HNMT: variants seen among roughly 807,000 people sequenced by gnomAD.
HNMT encodes histamine N-methyltransferase.
Under a neutral mutation model 32.1 loss-of-function variants are expected in HNMT, and 30 were observed. The observed-to-expected ratio is 0.93, with a 90% CI of 0.70 to 1.27. The LOEUF is 1.27. Ranked by LOEUF, HNMT falls within the 50% of genes most tolerant of loss-of-function variation. HNMT has a pLI of 0.00. For synonymous variants in HNMT, 125 were observed against 119.0 expected, an observed-to-expected ratio of 1.05 and a Z score of -0.33; for missense variants, 327 against 346.0, an observed-to-expected ratio of 0.95 and a Z score of 0.43.
At chr2:137,990,933 C>A (rs758073149) in intron 2 of HNMT, among the ~76,000 whole-genome samples, 4 of 152,114 alleles carry the variant, frequency 2.6e-5, no homozygotes, top group Non-Finnish European at 5.9e-5. Flanking sequence ...GGGCTCAGTC[C>A]CACAAAACTG....
intron 1 of HNMT, among the ~76,000 whole-genome samples, chr2:137,966,537 T>C (rs1254833461): frequency 1.3e-5 from 2 of 152,224 alleles, no homozygotes; most frequent in South Asian, 4.1e-4. Flanking sequence ...TACATATTCT[T>C]AATAATTGAG....
chr2:137,981,429 T>A, intron 2 of HNMT: 1 of 1,466,964 alleles, frequency 6.8e-7, no homozygotes, highest in Non-Finnish European at 9.4e-7. Flanking sequence ...CCATGAAGCC[T>A]ACTAGATCAC....
chr2:137,988,706 C>G (rs1680726526), intron 2 of HNMT: 1 of 152,014 alleles, frequency 6.6e-6, no homozygotes, highest in Admixed American at 6.5e-5. Context: ...GAAACCCCGT[C>G]TCTACTAAAA....
chr2:137,969,580 G>C (rs912729671), intron 1 of HNMT, among the ~76,000 whole-genome samples: 2 of 152,020 alleles, frequency 1.3e-5, no homozygotes, highest in African/African-American at 4.8e-5. Context: ...CAATCTAACA[G>C]CAAGTCCTAC....
In HNMT at chr2:138,016,312, A is replaced by G. The variant is rs1426554742; in HGVS notation, c.*2182A>G. The G allele has an allele frequency of 2.6e-5, 4 of 152,298 alleles. No individual in the cohort carries two copies. The East Asian group carries it at 7.7e-4, about 29-fold the overall frequency. The allele number at this position is 152,298 out of a possible 1,614,324, so 9.4% of individuals were successfully genotyped here. A position where few individuals can be genotyped will look rare whatever the true frequency, so the allele number is the denominator to read the frequency against. The stretch of plus-strand genomic sequence containing the variant: ...GTGTGTTCATATTATTATTATAAAC[A>G]GAGCTCAAGAAACCCAATAAAGTTA... On this transcript the variant is annotated 3_prime_UTR_variant, in exon 6 of 6. Coordinates refer to ENST00000280097, the MANE Select transcript of HNMT (RefSeq NM_006895.3).
chr2:138,001,785 TCAC>T (rs1681181442), intron 3 of HNMT, among the ~76,000 whole-genome samples: 1 of 152,132 alleles, frequency 6.6e-6, no homozygotes, highest in Admixed American at 6.6e-5. Flanking sequence ...TTGATAAAAT[TCAC>T]CAGTTGATTC....
intron 2 of HNMT, among the ~76,000 whole-genome samples, chr2:137,982,427 A>G (rs1400079770): frequency 6.6e-6 from 1 of 152,216 alleles, no homozygotes; most frequent in African/African-American, 2.4e-5. Flanking sequence ...AACATATCTG[A>G]CTTTAAAATT....
chr2:137,970,284 G>A, intron 2 of HNMT, 67 bp downstream of exon 2: 1 of 901,352 alleles, frequency 1.1e-6, no homozygotes, highest in Non-Finnish European at 1.7e-6. Context: ...TGACAATATT[G>A]TTCATTTTTT....
At chr2:138,001,780 A>G (rs1020793326) in intron 3 of HNMT, among the ~76,000 whole-genome samples, 10 of 152,162 alleles carry the variant, frequency 6.6e-5, no homozygotes, top group Non-Finnish European at 1.2e-4. Flanking sequence ...TTCCATTGAT[A>G]AAATTCACCA....
At chr2:137,998,148 A>T (rs984123168) in intron 2 of HNMT, among the ~76,000 whole-genome samples, 7 of 151,964 alleles carry the variant, frequency 4.6e-5, no homozygotes, top group East Asian at 1.9e-4. Context: ...CAGAAGAAAT[A>T]AAAAAAAGCA....
intron 5 of HNMT, among the ~76,000 whole-genome samples, chr2:138,011,566 A>G (rs2737383): frequency 0.019 from 2,905 of 152,214 alleles, 92 homozygotes; most frequent in African/African-American, 0.066. Context: ...TAATCCATGC[A>G]TGAGCGCCAA....
intron 5 of HNMT, among the ~76,000 whole-genome samples, chr2:138,012,983 G>T (rs1482188084): frequency 6.6e-6 from 1 of 151,866 alleles, no homozygotes; most frequent in Non-Finnish European, 1.5e-5. Context: ...TCTTCCCATC[G>T]GTGAGGCCAG....
rs772515726 is a variant in HNMT at position 137,981,312 on chromosome 2, A to G, written c.190+11095A>G. 7 of 1,613,572 alleles carry G rather than the reference A, an allele frequency of 4.3e-6. No homozygotes were observed. The South Asian group carries it at 5.5e-5, about 13-fold the overall frequency. ...AAAGACAAGCCAGGCATGAGGATCC[A>G]TGATGAGCGCTCTTCTGAGTTGCCA... is the stretch of plus-strand genomic sequence containing the variant. On this transcript the variant is annotated intron_variant, in intron 2 of 5. Coordinates refer to ENST00000280097, the MANE Select transcript of HNMT (RefSeq NM_006895.3).
chr2:137,986,234 C>T (rs1037859885), intron 2 of HNMT, among the ~76,000 whole-genome samples: 19 of 149,578 alleles, frequency 1.3e-4, no homozygotes, highest in East Asian at 7.8e-4. Context: ...ACAGAACCAA[C>T]GAGATTATAT....
Position 138,001,997 on chromosome 2 carries a change from T to C in HNMT, c.299-67T>C, listed in dbSNP as rs564483971. The C allele has an allele frequency of 6.7e-5, 85 of 1,273,452 alleles. No homozygotes were observed. The South Asian group carries it at 1.5e-3, about 23-fold the overall frequency. The allele number at this position is 1,273,452 out of a possible 1,614,324, so 78.9% of individuals were successfully genotyped here. ...TATAACATTGATTGCATTAAAATTC[T>C]AAATGGAAATGGTTTCCACATTTGC... On this transcript the variant is annotated intron_variant, in intron 3 of 5. Coordinates refer to ENST00000280097, the MANE Select transcript of HNMT (RefSeq NM_006895.3).
At chr2:138,005,302 G>A in intron 5 of HNMT, 77 bp downstream of exon 5, 1 of 809,466 alleles carries the variant, frequency 1.2e-6, no homozygotes, top group East Asian at 2.5e-5. Context: ...TTTGAAAGAA[G>A]CTTATATATT....
At chr2:138,008,523 C>T (rs2604466) in intron 5 of HNMT, among the ~76,000 whole-genome samples, 35,259 of 151,532 alleles carry the variant, frequency 0.23, 4,322 homozygotes, top group South Asian at 0.31. Context: ...GTTTCCAAAC[C>T]ATACTATAGG....
At chr2:137,967,791 T>C (rs2104920716) in intron 1 of HNMT, 1 of 152,380 alleles carries the variant, frequency 6.6e-6, no homozygotes, top group African/African-American at 2.4e-5. Flanking sequence ...ATATTTTTAA[T>C]TTCCAAGAAT....
At chr2:137,973,842 C>G (rs1373939612) in intron 2 of HNMT, among the ~76,000 whole-genome samples, 1 of 151,758 alleles carries the variant, frequency 6.6e-6, no homozygotes, top group Non-Finnish European at 1.5e-5. Context: ...GCACATATGC[C>G]CTATCGATTA....
Sources: allele counts gnomAD v4.1 joint callset (sites outside exome capture counted in the v4.1 genomes callset), GRCh38; gene constraint gnomAD v4.1.1; transcripts MANE v1.5; gene names NCBI Gene and HGNC (gene_info 2026-07-23, HGNC 2026-07-21).